LRGUK: variants seen among roughly 807,000 people sequenced by gnomAD.
The protein encoded by LRGUK is leucine rich repeats and guanylate kinase domain containing.
LRGUK carries 65 observed loss-of-function variants against 76.0 expected under a neutral mutation model. That is an observed-to-expected ratio of 0.85 (90% confidence interval 0.70 to 1.05). The LOEUF (loss-of-function observed/expected upper bound fraction) is 1.05, where lower values mean the gene tolerates loss of function less well. Ranked by LOEUF, LRGUK falls within the 50% of genes least tolerant of loss-of-function variation. LRGUK has a pLI of 0.00. For synonymous variants in LRGUK, 268 were observed against 265.6 expected, an observed-to-expected ratio of 1.01 and a Z score of -0.09; for missense variants, 758 against 732.8, an observed-to-expected ratio of 1.03 and a Z score of -0.40.
chr7:134,210,350 G>A, downstream of LRGUK: 3 of 398,274 alleles, frequency 7.5e-6, no homozygotes. Flanking sequence ...CCCACGCCGA[G>A]CCATCACCTA....
intron 15 of LRGUK, among the ~76,000 whole-genome samples, chr7:134,220,161 A>G (rs910680869): frequency 5.9e-5 from 9 of 152,162 alleles, no homozygotes; most frequent in African/African-American, 2.2e-4. Flanking sequence ...TTCTGCATAC[A>G]GTTGTCTCAT....
rs1057031232 is a variant in LRGUK, at chr7:134,235,333, C to T, written c.1984-12223C>T. Among the ~76,000 whole-genome samples the T allele has an allele frequency of 6.6e-5, 10 of 152,244 alleles. No individual in the cohort carries two copies. The South Asian group carries it at 1.7e-3, about 25-fold the overall frequency. ...ACCTCTAACCCACCAGCACTCCTGC[C>T]TTAGAGCCATTGCACTAACTGTTTC... On this transcript the variant is annotated intron_variant, in intron 16 of 19. Coordinates refer to the LRGUK transcript ENST00000285928.
chr7:134,147,970 G>T (rs1798047553), intron 4 of LRGUK, among the ~76,000 whole-genome samples: 1 of 150,692 alleles, frequency 6.6e-6, no homozygotes, highest in Admixed American at 6.6e-5. Context: ...GCTGAGGCAG[G>T]AGAATCATTT....
At chr7:134,274,896 C>A in the LRGUK span, among the ~76,000 whole-genome samples, 1 of 151,964 alleles carries the variant, frequency 6.6e-6, no homozygotes, top group Admixed American at 6.6e-5. Flanking sequence ...CAATTCAAAT[C>A]TGTCTTTCAT....
chr7:134,229,362 CAAA>C (rs71531814), intron 16 of LRGUK, among the ~76,000 whole-genome samples: 1 of 119,138 alleles, frequency 8.4e-6, no homozygotes, highest in African/African-American at 3.2e-5. Context: ...GACTCCATCT[CAAA>C]AAAAAAAAAA....
intron 16 of LRGUK, among the ~76,000 whole-genome samples, chr7:134,239,938 C>T (rs183984601): frequency 2.7e-4 from 41 of 152,302 alleles, no homozygotes; most frequent in African/African-American, 8.2e-4. Context: ...CAGGCAAACA[C>T]GGTCTGGAGT....
chr7:134,195,728 A>G lies in LRGUK; in HGVS notation c.1432-1264A>G, dbSNP rs181163803. 2.0e-3 allele frequency among the ~76,000 whole-genome samples: 302 copies of G among 149,864 alleles called. 1 individual carries two copies. Among genetic ancestry groups the G allele is most frequent in the Non-Finnish European group, 3.0e-3 (205 of 67,302 alleles). Reference sequence around the variant, plus strand: ...TGTCTATCTGAAAGGAGAGCCAGACATATATATATATATAGAAAAGGAGTC... The same window carrying G: ...TGTCTATCTGAAAGGAGAGCCAGACGTATATATATATATAGAAAAGGAGTC... On this transcript the variant is annotated intron_variant, in intron 12 of 15. Transcript: ENST00000645682.
exon 1 of LRGUK, chr7:134,127,358 G>C (rs760592036): frequency 1.3e-6 from 2 of 1,546,544 alleles, no homozygotes; most frequent in African/African-American, 1.7e-5. Context: ...AGGCAACCCC[G>C]CTAAACAAGA....
intron 16 of LRGUK, among the ~76,000 whole-genome samples, chr7:134,236,008 A>G (rs899452295): frequency 3.3e-5 from 5 of 152,242 alleles, no homozygotes; most frequent in African/African-American, 1.2e-4. Flanking sequence ...ATAGGTAAGA[A>G]GCACAGTGAC....
chr7:134,145,830 C>T (rs1318889715), intron 4 of LRGUK, among the ~76,000 whole-genome samples: 2 of 152,160 alleles, frequency 1.3e-5, no homozygotes, highest in Admixed American at 6.5e-5. Flanking sequence ...TTTCCTAGAG[C>T]GGGGACTTGT....
rs1195990806 is a variant in LRGUK at position 134,150,302 on chromosome 7, CA to C, written c.670+1993del. On this transcript the variant is annotated intron_variant, in intron 5 of 15. Transcript: ENST00000645682. ...AAAAAACAAAAAAAACAAAAAAAAA[CA>C]AAAAAAAAATTAGCTGGGCCTGATG... Among the ~76,000 whole-genome samples, 265 of 145,438 alleles carry C rather than the reference CA, an allele frequency of 1.8e-3. 1 individual carries two copies. The highest frequency in any genetic ancestry group is 2.6e-3 in the Admixed American group (38 of 14,658).
At chr7:134,191,035 A>G (rs1800221219) in intron 11 of LRGUK, among the ~76,000 whole-genome samples, 1 of 108,998 alleles carries the variant, frequency 9.2e-6, no homozygotes, top group African/African-American at 3.1e-5. Flanking sequence ...GGCACCATGG[A>G]TTGCCACAGG....
At chr7:134,140,359 C>T (rs1165206518) in intron 3 of LRGUK, among the ~76,000 whole-genome samples, 10 of 152,030 alleles carry the variant, frequency 6.6e-5, no homozygotes, top group Admixed American at 3.3e-4. Flanking sequence ...TTCTTTTTTG[C>T]TGTCTTTATT....
chr7:134,137,477 A>G (rs529063682), intron 2 of LRGUK, among the ~76,000 whole-genome samples: 187 of 152,320 alleles, frequency 1.2e-3, no homozygotes, highest in African/African-American at 4.3e-3. Context: ...GATCAGTGGA[A>G]GAAACACTAA....
rs143278009 is a variant in LRGUK, at chr7:134,145,914, C to T, written c.589-2324C>T. Among the ~76,000 whole-genome samples the T allele has an allele frequency of 8.5e-5, 13 of 152,274 alleles. 1 individual carries two copies. Among genetic ancestry groups the T allele is most frequent in the African/African-American group, 3.1e-4 (13 of 41,564 alleles). Reference sequence around the variant, plus strand: ...GAAAAATGTTAATTTGACTTGATGGCTACTTTTTCCAAGCTCTAGGTTCCA... The same window carrying T: ...GAAAAATGTTAATTTGACTTGATGGTTACTTTTTCCAAGCTCTAGGTTCCA... On this transcript the variant is annotated intron_variant, in intron 4 of 15. Transcript: ENST00000645682.
Position 134,183,725 on chromosome 7 carries a change from G to C in LRGUK, c.1215-9G>C. On this transcript the variant is annotated splice_polypyrimidine_tract_variant and intron_variant, in intron 10 of 15. Coordinates refer to ENST00000645682, the Ensembl canonical transcript of LRGUK. ...CAATAGGAGAACTGACTCTGGTCCT[G>C]TGTTGTAGCACTCTTCCCAGCCTGG... 6.2e-7 allele frequency: 1 copy of C among 1,613,780 alleles called. No individual in the cohort carries two copies. The highest frequency in any genetic ancestry group is 8.5e-7 in the Non-Finnish European group (1 of 1,179,778).
downstream of LRGUK, among the ~76,000 whole-genome samples, chr7:134,268,714 A>T (rs1802904731): frequency 7.2e-6 from 1 of 138,282 alleles, no homozygotes; most frequent in Non-Finnish European, 1.6e-5. Context: ...ATATGCAAAA[A>T]ATCTTTTTTT....
At chr7:134,174,181 G>C (rs1799384590) in intron 7 of LRGUK, among the ~76,000 whole-genome samples, 3 of 151,972 alleles carry the variant, frequency 2.0e-5, no homozygotes. Context: ...AAGGAAGTTG[G>C]GGGGCTGGAA....
intron 16 of LRGUK, among the ~76,000 whole-genome samples, chr7:134,247,349 C>T (rs1176774078): frequency 1.3e-5 from 2 of 152,128 alleles, no homozygotes; most frequent in African/African-American, 2.4e-5. Context: ...TATTATATTA[C>T]AGTCTTTATA....
Sources: gnomAD v4.1 joint callset for allele counts (sites outside exome capture counted in the v4.1 genomes callset) on GRCh38, gnomAD v4.1.1 for gene constraint, MANE v1.5 for transcripts, NCBI Gene and HGNC (gene_info 2026-07-23, HGNC 2026-07-21) for gene names.